The following TXK variants were observed in gnomAD, a reference collection of about 807,000 sequenced individuals.
The protein encoded by TXK is TXK tyrosine kinase, also known as tyrosine-protein kinase TXK.
In TXK, 60 loss-of-function variants were observed where a neutral mutation model predicts 81.0. That is an observed-to-expected ratio of 0.74 (90% CI 0.60 to 0.92). TXK has a LOEUF of 0.92. Among genes scored for constraint, TXK ranks in the 40% least tolerant of loss-of-function variants. The probability of loss-of-function intolerance (pLI) is 0.00; values close to 1 mark genes in which losing one functional copy is unlikely to be tolerated. For missense variants in TXK, 581 were observed against 638.3 expected (o/e 0.91, Z 0.97); for synonymous variants, 203 against 210.7 (o/e 0.96, Z 0.32).
chr4:48,088,569 A>C (rs1717628185), intron 9 of TXK, among the ~76,000 whole-genome samples: 1 of 152,174 alleles, frequency 6.6e-6, no homozygotes, highest in African/African-American at 2.4e-5. Flanking sequence ...AGACACAAAA[A>C]ACTGCAGCGT....
Position 48,080,089 on chromosome 4 carries a change from G to C in TXK, c.996C>G (p.Val332=). ...TGTAAAGGGGCTTCCGCTGTATACA[G>C]ACTCCATAAAGTTGCACTAGCTTTG... is the stretch of plus-strand genomic sequence containing the variant. ...SHSKLVQLYG[V]CIQRKPLYIV... is the part of the protein sequence containing the mutation. Residue 332 remains valine, a synonymous_variant, in exon 11 of 15, where the codon GTC becomes GTG. Transcript: ENST00000264316. 1 of 1,614,042 alleles carries C rather than the reference G, an allele frequency of 6.2e-7. No homozygotes were observed.
At chr4:48,120,537 C>T (rs1718930264) in intron 1 of TXK, among the ~76,000 whole-genome samples, 1 of 151,250 alleles carries the variant, frequency 6.6e-6, no homozygotes, top group African/African-American at 2.4e-5. Context: ...GTCGCCGAGA[C>T]TGGAGTGCAT....
At chr4:48,120,268 CAT>C (rs917606586) in intron 1 of TXK, among the ~76,000 whole-genome samples, 18 of 148,086 alleles carry the variant, frequency 1.2e-4, no homozygotes, top group South Asian at 4.2e-4. Flanking sequence ...TACATACACA[CAT>C]ATATACGTAT....
chr4:48,082,228 G>C (rs1279904824), intron 10 of TXK, among the ~76,000 whole-genome samples: 5 of 152,126 alleles, frequency 3.3e-5, no homozygotes, highest in Non-Finnish European at 7.4e-5. Flanking sequence ...TCTTAGCCAA[G>C]GGCATTCTAA....
chr4:48,114,821 C>T (rs1718749615), intron 1 of TXK, among the ~76,000 whole-genome samples: 1 of 152,034 alleles, frequency 6.6e-6, no homozygotes, highest in African/African-American at 2.4e-5. Flanking sequence ...AACATAGGCT[C>T]TTTTTAAAAA....
chr4:48,122,703 GTGAATGAA>G (rs547653659), intron 1 of TXK, among the ~76,000 whole-genome samples: 2 of 152,296 alleles, frequency 1.3e-5, no homozygotes, highest in South Asian at 2.1e-4. Context: ...TATTTGTTCA[GTGAATGAA>G]TGAATGAATG....
At chr4:48,069,457 C>T (rs1029430991) in intron 14 of TXK, among the ~76,000 whole-genome samples, 1 of 151,582 alleles carries the variant, frequency 6.6e-6, no homozygotes, top group African/African-American at 2.4e-5. Context: ...TCCTGAGTAG[C>T]TGGGATTACA....
intron 9 of TXK, chr4:48,089,382 A>AT (rs1289952404): frequency 7.9e-5 from 12 of 151,146 alleles, no homozygotes; most frequent in Non-Finnish European, 1.8e-4. Flanking sequence ...AGGGAACTAG[A>AT]TTCTTTTTTT....
chr4:48,118,295 T>C (rs1283981153), intron 1 of TXK, among the ~76,000 whole-genome samples: 1 of 152,214 alleles, frequency 6.6e-6, no homozygotes, highest in Non-Finnish European at 1.5e-5. Context: ...CAGATCTTCC[T>C]GTAAATCAAG....
At chr4:48,126,662 G>A (rs558475222) in intron 1 of TXK, among the ~76,000 whole-genome samples, 7 of 127,414 alleles carry the variant, frequency 5.5e-5, no homozygotes, top group South Asian at 4.5e-4. Context: ...CACCATACCC[G>A]GCTAATTTTT....
rs545994622 is a variant in TXK at position 48,090,994 on chromosome 4, T to C, written c.710-1170A>G. 2.6e-5 allele frequency among the ~76,000 whole-genome samples: 4 copies of C among 152,376 alleles called. No homozygotes were observed. The South Asian group carries it at 8.3e-4, about 32-fold the overall frequency. ...AGTGCCTATTGTGTGCAAGGCACTC[T>C]TCTAGGTAGATTCCCAAAGATTCCA... On this transcript the variant is annotated intron_variant, in intron 8 of 14. Transcript: ENST00000264316.
intron 7 of TXK, 101 bp from the exon 8 acceptor site, chr4:48,094,305 G>A (rs1717896393): frequency 1.5e-6 from 2 of 1,320,518 alleles, no homozygotes; most frequent in Admixed American, 1.8e-5. Context: ...ACTCATCCTA[G>A]CAACACTACA....
At position 48,104,963 on chromosome 4, in the gene TXK, A is replaced by C; in HGVS notation, c.447-8T>G. 1 of 1,575,178 alleles carries C rather than the reference A, an allele frequency of 6.3e-7. No individual in the cohort carries two copies. The highest frequency in any genetic ancestry group is 2.3e-5 in the East Asian group (1 of 43,640). On this transcript the variant is annotated splice_region_variant and splice_polypyrimidine_tract_variant and intron_variant, in intron 5 of 14. Transcript: ENST00000264316. ...ATGTTTCTATGGTACCACCTGTAAA[A>C]GCAATAAAAATGATTTTTAAATTTT...
intron 14 of TXK, among the ~76,000 whole-genome samples, chr4:48,070,307 T>C (rs995022625): frequency 2.0e-5 from 3 of 152,206 alleles, no homozygotes; most frequent in African/African-American, 7.2e-5. Context: ...TTTCAACAAA[T>C]AGAAAAACTA....
At chr4:48,119,471 C>A (rs908157562) in intron 1 of TXK, among the ~76,000 whole-genome samples, 1 of 152,134 alleles carries the variant, frequency 6.6e-6, no homozygotes, top group Non-Finnish European at 1.5e-5. Context: ...CAAGTCCAAG[C>A]CCAGGCAAGG....
intron 3 of TXK, 81 bp from the exon 4 acceptor site, chr4:48,112,593 C>T: frequency 1.4e-6 from 2 of 1,410,978 alleles, no homozygotes; most frequent in Middle Eastern, 2.6e-4. Flanking sequence ...GCATATTTGC[C>T]TTCTGCCTCA....
intron 11 of TXK, 95 bp from the exon 12 acceptor site, chr4:48,076,561 A>C: frequency 1.0e-6 from 1 of 962,668 alleles, no homozygotes. Context: ...ACCCCACACT[A>C]CCTCTCTGTG....
intron 7 of TXK, among the ~76,000 whole-genome samples, chr4:48,094,534 T>C (rs1437368178): frequency 2.6e-5 from 4 of 152,196 alleles, no homozygotes; most frequent in African/African-American, 7.2e-5. Flanking sequence ...TGTAAGCAAT[T>C]GGAGATGGGA....
chr4:48,121,313 C>T (rs1476429462), intron 1 of TXK, among the ~76,000 whole-genome samples: 2 of 152,208 alleles, frequency 1.3e-5, no homozygotes, highest in African/African-American at 4.8e-5. Context: ...CCTCCCCAAA[C>T]AGGCTCTATC....
Sources: allele counts gnomAD v4.1 joint callset (sites outside exome capture counted in the v4.1 genomes callset), GRCh38; gene constraint gnomAD v4.1.1; transcripts MANE v1.5; gene names NCBI Gene and HGNC (gene_info 2026-07-23, HGNC 2026-07-21).